The following MYRIP variants were observed in gnomAD, a reference collection of about 807,000 sequenced individuals.
MYRIP encodes the protein myosin VIIA and Rab interacting protein.
In MYRIP, 49 loss-of-function variants were observed where a neutral mutation model predicts 98.0. The observed-to-expected ratio is 0.50, with a 90% CI of 0.40 to 0.63. The LOEUF is 0.63. MYRIP is among the 30% of genes least tolerant of loss of function. The pLI, the probability that MYRIP is intolerant of heterozygous loss-of-function variation, is 0.00. For synonymous variants in MYRIP, 404 were observed against 409.5 expected (o/e 0.99, Z 0.16); for missense variants, 1,004 against 1,058.2 (o/e 0.95, Z 0.71).
intron 2 of MYRIP, among the ~76,000 whole-genome samples, chr3:39,972,399 T>C (rs1296183864): frequency 6.6e-6 from 1 of 152,100 alleles, no homozygotes; most frequent in African/African-American, 2.4e-5. Flanking sequence ...AATAGCACCA[T>C]ATAAGCAGAG....
At chr3:40,126,788 A>G (rs1429758821) in intron 3 of MYRIP, among the ~76,000 whole-genome samples, 1 of 152,214 alleles carries the variant, frequency 6.6e-6, no homozygotes, top group African/African-American at 2.4e-5. Flanking sequence ...AATAATTCCT[A>G]AGAGTTGAGT....
chr3:39,900,086 G>A (rs558728547), intron 1 of MYRIP, among the ~76,000 whole-genome samples: 1 of 152,162 alleles, frequency 6.6e-6, no homozygotes, highest in Non-Finnish European at 1.5e-5. Flanking sequence ...CTCCCAAAGT[G>A]CCGGGATTAC....
intron 3 of MYRIP, among the ~76,000 whole-genome samples, chr3:40,128,431 A>G (rs1351585149): frequency 6.6e-6 from 1 of 152,182 alleles, no homozygotes; most frequent in East Asian, 1.9e-4. Flanking sequence ...CCACTTCCAA[A>G]CAGCATGTAG....
intron 2 of MYRIP, 25 bp downstream of exon 2, chr3:39,900,951 G>A: frequency 6.4e-7 from 1 of 1,567,028 alleles, no homozygotes; most frequent in Non-Finnish European, 8.8e-7. Context: ...TTGCTCAGCA[G>A]CGTACAGCAA....
intron 1 of MYRIP, among the ~76,000 whole-genome samples, chr3:39,868,558 T>C (rs1559502088): frequency 6.6e-6 from 1 of 152,166 alleles, no homozygotes; most frequent in Non-Finnish European, 1.5e-5. Flanking sequence ...TGCTAGGTAA[T>C]ATGCTTTATC....
At chr3:40,169,237 G>A (rs969060224) in intron 7 of MYRIP, among the ~76,000 whole-genome samples, 11 of 152,136 alleles carry the variant, frequency 7.2e-5, no homozygotes, top group Non-Finnish European at 1.5e-4. Context: ...CCCTGCCATG[G>A]GAGATGGCAC....
At chr3:40,199,372 G>T (rs1951489803) in intron 10 of MYRIP, among the ~76,000 whole-genome samples, 1 of 152,110 alleles carries the variant, frequency 6.6e-6, no homozygotes, top group Admixed American at 6.5e-5. Context: ...CTGCTGTCCG[G>T]GCTGCTCCAG....
At chr3:40,011,993 A>G (rs1299562391) in intron 2 of MYRIP, among the ~76,000 whole-genome samples, 1 of 152,194 alleles carries the variant, frequency 6.6e-6, no homozygotes, top group Non-Finnish European at 1.5e-5. Flanking sequence ...TATAAACACT[A>G]CCAATTAAAT....
intron 1 of MYRIP, among the ~76,000 whole-genome samples, chr3:39,812,957 G>C (rs951463438): frequency 7.2e-5 from 11 of 152,226 alleles, no homozygotes; most frequent in Non-Finnish European, 4.4e-5. Flanking sequence ...AGATGGCCGT[G>C]GGATGGGGGC....
chr3:40,095,900 C>G (rs66689960), intron 3 of MYRIP, among the ~76,000 whole-genome samples: 35,906 of 151,186 alleles, frequency 0.24, 4,567 homozygotes, highest in East Asian at 0.35. Flanking sequence ...ACCACCTCAG[C>G]ACCTTCCCTC....
intron 2 of MYRIP, among the ~76,000 whole-genome samples, chr3:40,031,758 T>A (rs930319865): frequency 2.0e-5 from 3 of 152,316 alleles, no homozygotes; most frequent in African/African-American, 4.8e-5. Context: ...TCTTCTAGAT[T>A]TTCTAGTTTA....
chr3:39,869,874 A>T (rs1279457909), intron 1 of MYRIP, among the ~76,000 whole-genome samples: 1 of 152,182 alleles, frequency 6.6e-6, no homozygotes, highest in Non-Finnish European at 1.5e-5. Context: ...GAGATCTGCC[A>T]TTAGCAAACA....
At chr3:39,810,050 G>T (rs745800956) in intron 1 of MYRIP, 134 bp downstream of exon 1, 1 of 152,402 alleles carries the variant, frequency 6.6e-6, no homozygotes, top group African/African-American at 2.4e-5. Context: ...CCCTGTGCGC[G>T]TCCGGAGCCA....
At chr3:40,101,681 T>C (rs1377373443) in intron 3 of MYRIP, among the ~76,000 whole-genome samples, 2 of 152,226 alleles carry the variant, frequency 1.3e-5, no homozygotes, top group Non-Finnish European at 2.9e-5. Flanking sequence ...AATTTCTTTA[T>C]TTCTGAGAGT....
Position 40,247,390 on chromosome 3 carries a change from T to C in MYRIP, c.2262+2783T>C, listed in dbSNP as rs72858641. On this transcript the variant is annotated intron_variant, in intron 13 of 16. Coordinates refer to ENST00000302541, the MANE Select transcript of MYRIP (RefSeq NM_015460.4). Reference sequence around the variant, plus strand: ...ATGGTTTACCACATTATTGTATTTATTTTTTTCAGCAACCCCATAAGTGAG... The same window carrying C: ...ATGGTTTACCACATTATTGTATTTACTTTTTTCAGCAACCCCATAAGTGAG... Among the ~76,000 whole-genome samples the C allele has an allele frequency of 6.6e-3, 999 of 152,310 alleles. 13 individuals are homozygous for C. The highest frequency in any genetic ancestry group is 0.022 in the African/African-American group (919 of 41,562).
At chr3:40,035,649 G>T (rs2125823686) in intron 2 of MYRIP, among the ~76,000 whole-genome samples, 1 of 151,998 alleles carries the variant, frequency 6.6e-6, no homozygotes, top group East Asian at 1.9e-4. Context: ...TGGCACCAAG[G>T]AGAAAAGGAC....
intron 10 of MYRIP, among the ~76,000 whole-genome samples, chr3:40,194,419 C>T (rs1277389446): frequency 6.6e-6 from 1 of 151,802 alleles, no homozygotes; most frequent in Non-Finnish European, 1.5e-5. Context: ...TCTAGAAGCC[C>T]GATTCCCTTA....
chr3:39,984,511 A>T (rs939702450), intron 2 of MYRIP, among the ~76,000 whole-genome samples: 3 of 152,176 alleles, frequency 2.0e-5, no homozygotes, highest in Non-Finnish European at 2.9e-5. Context: ...TTTACTGACA[A>T]TGATGATTTC....
At chr3:39,903,960 A>G (rs926229749) in intron 2 of MYRIP, among the ~76,000 whole-genome samples, 3 of 152,226 alleles carry the variant, frequency 2.0e-5, no homozygotes, top group African/African-American at 4.8e-5. Flanking sequence ...TCAGAATCCA[A>G]ACAAGGTCCA....
Sources: gnomAD v4.1 joint callset for allele counts (sites outside exome capture counted in the v4.1 genomes callset) on GRCh38, gnomAD v4.1.1 for gene constraint, MANE v1.5 for transcripts, NCBI Gene and HGNC (gene_info 2026-07-23, HGNC 2026-07-21) for gene names.